The following TCF12 variants were observed in gnomAD, a reference collection of about 807,000 sequenced individuals.
The protein encoded by TCF12 is transcription factor 12.
In TCF12, 45 loss-of-function variants were observed where a neutral mutation model predicts 86.0. That is an observed-to-expected ratio of 0.52 (90% CI 0.41 to 0.67). The LOEUF is 0.67. Ranked by LOEUF, TCF12 falls within the 30% of genes least tolerant of loss-of-function variation. The probability of loss-of-function intolerance (pLI) is 0.00; values close to 1 mark genes in which losing one functional copy is unlikely to be tolerated. For missense variants in TCF12, 881 were observed against 859.9 expected, an observed-to-expected ratio of 1.02 and a Z score of -0.31; for synonymous variants, 330 against 299.6, an observed-to-expected ratio of 1.10 and a Z score of -1.05.
chr15:57,269,860 C>A (rs537944714), intron 18 of TCF12, among the ~76,000 whole-genome samples: 18 of 152,270 alleles, frequency 1.2e-4, no homozygotes, highest in African/African-American at 3.9e-4. Context: ...AAATTCTTTT[C>A]TTTAAGAATG....
At chr15:56,948,202 G>A (rs1255860868) in intron 3 of TCF12, among the ~76,000 whole-genome samples, 5 of 151,826 alleles carry the variant, frequency 3.3e-5, no homozygotes, top group African/African-American at 1.2e-4. Flanking sequence ...GCTCACTGCA[G>A]CCTTGACCTC....
intron 5 of TCF12, among the ~76,000 whole-genome samples, chr15:57,150,217 C>A (rs1308293052): frequency 1.3e-5 from 2 of 152,122 alleles, no homozygotes; most frequent in African/African-American, 4.8e-5. Flanking sequence ...CAAGGGAGCT[C>A]AAGATCTTTA....
chr15:57,231,585 T>C lies in TCF12; in HGVS notation c.685+328T>C, dbSNP rs12439017. ...TAACTCTAGTTTCTTGTTTAATTTATGGATTCATATCATGCCTAGAATTAC... is the reference window on the plus strand; with the variant it reads ...TAACTCTAGTTTCTTGTTTAATTTACGGATTCATATCATGCCTAGAATTAC... On this transcript the variant is annotated intron_variant, in intron 9 of 20. Coordinates refer to ENST00000333725, the MANE Select transcript of TCF12 (RefSeq NM_207037.2). 0.04 allele frequency among the ~76,000 whole-genome samples: 6,117 copies of C among 152,284 alleles called. 373 individuals are homozygous for C. The highest frequency in any genetic ancestry group is 0.17 in the Admixed American group (2,551 of 15,270).
chr15:57,114,543 C>A (rs1567450708), intron 5 of TCF12, among the ~76,000 whole-genome samples: 2 of 152,100 alleles, frequency 1.3e-5, no homozygotes, highest in East Asian at 3.9e-4. Flanking sequence ...AGCATTCCTT[C>A]CACTTGGGCC....
chr15:57,274,416 T>G (rs2061286660), intron 19 of TCF12, among the ~76,000 whole-genome samples: 1 of 152,240 alleles, frequency 6.6e-6, no homozygotes, highest in Non-Finnish European at 1.5e-5. Flanking sequence ...TTGCTCCTCT[T>G]CTCCCAAGGT....
chr15:57,004,531 C>T (rs1409941969), intron 3 of TCF12, among the ~76,000 whole-genome samples: 1 of 152,184 alleles, frequency 6.6e-6, no homozygotes. Flanking sequence ...GCCTCAGCCT[C>T]CTGAGTAGCT....
chr15:57,182,961 T>C (rs752549920), intron 6 of TCF12, among the ~76,000 whole-genome samples: 3 of 152,160 alleles, frequency 2.0e-5, no homozygotes, highest in South Asian at 2.1e-4. Flanking sequence ...GGAAGTCTTG[T>C]TGTATTGAGG....
chr15:57,027,053 A>G (rs1324635448), intron 3 of TCF12, among the ~76,000 whole-genome samples: 1 of 152,044 alleles, frequency 6.6e-6, no homozygotes, highest in Non-Finnish European at 1.5e-5. Context: ...GGTTGAATGA[A>G]TCTGCAGATA....
At chr15:57,207,384 A>T (rs892432215) in intron 8 of TCF12, among the ~76,000 whole-genome samples, 3 of 152,078 alleles carry the variant, frequency 2.0e-5, no homozygotes, top group African/African-American at 7.2e-5. Context: ...AATAATAAAT[A>T]GGCCGGGCGC....
chr15:57,060,390 C>G (rs2141684759), intron 3 of TCF12, among the ~76,000 whole-genome samples: 1 of 152,172 alleles, frequency 6.6e-6, no homozygotes, highest in East Asian at 1.9e-4. Flanking sequence ...ATTCAGAAAA[C>G]CAGGTACTAA....
At chr15:57,250,879 GTGAGACTCCA>G (rs2060081327) in intron 13 of TCF12, among the ~76,000 whole-genome samples, 1 of 140,478 alleles carries the variant, frequency 7.1e-6, no homozygotes, top group South Asian at 2.2e-4. Flanking sequence ...CTGGGCGACA[GTGAGACTCCA>G]TCTCAAAAAA....
intron 3 of TCF12, among the ~76,000 whole-genome samples, chr15:56,958,367 G>A (rs986897685): frequency 1.3e-5 from 2 of 152,048 alleles, no homozygotes; most frequent in African/African-American, 4.8e-5. Context: ...CCATTGTCTG[G>A]AAGATAGTTA....
At chr15:56,919,572 A>C in intron 1 of TCF12, 1 of 190,502 alleles carries the variant, frequency 5.2e-6, no homozygotes, top group Non-Finnish European at 1.1e-5. Flanking sequence ...CGGCGCGCGG[A>C]GCACCCGGCG....
chr15:57,006,440 G>A (rs2064379121), intron 3 of TCF12, among the ~76,000 whole-genome samples: 2 of 151,980 alleles, frequency 1.3e-5, no homozygotes, highest in South Asian at 4.2e-4. Flanking sequence ...GAGTAGCTGG[G>A]ATTACAGGCG....
intron 10 of TCF12, 75 bp from the exon 11 acceptor site, chr15:57,232,637 G>T: frequency 2.7e-6 from 4 of 1,503,860 alleles, no homozygotes; most frequent in East Asian, 2.5e-5. Flanking sequence ...TTTTTGACCT[G>T]TTATCATAGT....
intron 3 of TCF12, among the ~76,000 whole-genome samples, chr15:56,953,940 C>G (rs2061393555): frequency 7.6e-6 from 1 of 131,308 alleles, no homozygotes; most frequent in African/African-American, 2.8e-5. Context: ...GACTTTATTA[C>G]TTGCATTCTC....
At position 56,959,013 on chromosome 15, in the gene TCF12, A is replaced by T. The variant is rs1595859352; in HGVS notation, c.148+37915A>T. ...AGGCTGTCTTCTACAGCAGTGAGAA[A>T]TCTCTGGCTTATTGGGTCATACCTT... On this transcript the variant is annotated intron_variant, in intron 3 of 20. Transcript: ENST00000333725. 3.3e-5 allele frequency among the ~76,000 whole-genome samples: 5 copies of T among 152,066 alleles called. No homozygotes were observed. The South Asian group carries it at 1.0e-3, about 32-fold the overall frequency.
chr15:57,119,307 G>A (rs2051063797), intron 5 of TCF12, among the ~76,000 whole-genome samples: 1 of 150,600 alleles, frequency 6.6e-6, no homozygotes, highest in South Asian at 2.1e-4. Flanking sequence ...TGTTTTTTTG[G>A]CAGCAGGTCG....
intron 8 of TCF12, among the ~76,000 whole-genome samples, chr15:57,209,366 G>A (rs1597334871): frequency 1.3e-5 from 2 of 152,290 alleles, no homozygotes; most frequent in Middle Eastern, 3.4e-3. Context: ...TCAGCCATCA[G>A]CATTAATTCT....
Sources: allele counts gnomAD v4.1 joint callset (sites outside exome capture counted in the v4.1 genomes callset), GRCh38; gene constraint gnomAD v4.1.1; transcripts MANE v1.5; gene names NCBI Gene and HGNC (gene_info 2026-07-23, HGNC 2026-07-21).